The following TSC22D3 variants were observed in gnomAD, a reference collection of about 807,000 sequenced individuals.
The protein encoded by TSC22D3 is TSC22 domain family member 3, also known as TSC22 domain family protein 3.
Under a neutral mutation model 11.1 loss-of-function variants are expected in TSC22D3, and 4 were observed. That is an observed-to-expected ratio of 0.36 (90% CI 0.18 to 0.83). The LOEUF is 0.83. TSC22D3 is among the 40% of genes least tolerant of loss of function. The pLI is 0.48. For missense variants in TSC22D3, 118 were observed against 159.4 expected (o/e 0.74, Z 1.40); for synonymous variants, 77 against 70.3 (o/e 1.10, Z -0.48).
Position 107,775,263 on chromosome X carries a change from C to T in TSC22D3, c.157G>A (p.Glu53Lys). The change falls in exon 1 of 3, where the codon GAA (glutamate) becomes AAA (lysine). Residue 53 changes from glutamate to lysine, a missense_variant. Coordinates refer to ENST00000372383, the MANE Select transcript of TSC22D3 (RefSeq NM_198057.3). ...TTGAGGTTCTCAAAGACCAGCTTTT[C>T]CTGCAGCTGCCGAAAGTTGCTCACT... ...PTVSNFRQLQ[E>K]KLVFENLNTD... 1 of 1,212,150 alleles carries T rather than the reference C, an allele frequency of 8.2e-7. No homozygotes were observed. Among genetic ancestry groups the T allele is most frequent in the Non-Finnish European group, 1.1e-6 (1 of 895,601 alleles).
intron 1 of TSC22D3, among the ~76,000 whole-genome samples, chrX:107,754,062 C>T (rs763468211): frequency 3.6e-4 from 40 of 110,664 alleles, no homozygotes; most frequent in Non-Finnish European, 7.2e-4. Context: ...ATTACAGAAG[C>T]GTGCCACCAC....
intron 1 of TSC22D3, among the ~76,000 whole-genome samples, chrX:107,730,703 A>G (rs955228074): frequency 4.5e-5 from 5 of 112,161 alleles, no homozygotes; most frequent in Non-Finnish European, 9.4e-5. Context: ...ATAAGCAAAA[A>G]CCAAATGTAA....
chrX:107,766,457 C>CG (rs1280959877), intron 1 of TSC22D3, among the ~76,000 whole-genome samples: 2 of 95,908 alleles, frequency 2.1e-5, no homozygotes, highest in African/African-American at 7.7e-5. Flanking sequence ...TTTCCGCCCC[C>CG]CCCCCAACAA....
intron 1 of TSC22D3, among the ~76,000 whole-genome samples, chrX:107,743,170 G>T (rs1445365153): frequency 1.8e-5 from 2 of 112,773 alleles, no homozygotes; most frequent in African/African-American, 6.4e-5. Context: ...AGCCAGTTCC[G>T]AAGAAGAAAA....
rs778094975 is a variant in TSC22D3, at chrX:107,745,303, GT to G, written c.321-29354del. On this transcript the variant is annotated intron_variant, in intron 1 of 2. Coordinates refer to ENST00000372383, the MANE Select transcript of TSC22D3 (RefSeq NM_198057.3). ...AAGAGGATTTTAGGCTGATTTCTAG[GT>G]TCCTTTCCAGAAGTGGCAGTCTCCC... Among the ~76,000 whole-genome samples, 10 of 112,189 alleles carry G rather than the reference GT, an allele frequency of 8.9e-5. No individual in the cohort carries two copies. In the South Asian group the frequency reaches 3.0e-3, roughly 33 times the overall value.
At position 107,775,439 on chromosome X, in the gene TSC22D3, G is replaced by C. The variant is rs758478376; in HGVS notation, c.-20C>G. ...GGCCATCTTCTCAGGCTCGGAGGTCGCCTGGCCTGCGAGGTCAGGGGCGGC... is the reference window on the plus strand; with the variant it reads ...GGCCATCTTCTCAGGCTCGGAGGTCCCCTGGCCTGCGAGGTCAGGGGCGGC... On this transcript the variant is annotated 5_prime_UTR_variant, in exon 1 of 3. Coordinates refer to ENST00000372383, the MANE Select transcript of TSC22D3 (RefSeq NM_198057.3). 4 of 1,145,793 alleles carry C rather than the reference G, an allele frequency of 3.5e-6. No homozygotes were observed. Among genetic ancestry groups the C allele is most frequent in the South Asian group, 2.0e-5 (1 of 49,636 alleles). 94.4% of individuals were successfully genotyped at this position (1,145,793 alleles called of 1,213,427 possible).
intron 1 of TSC22D3, among the ~76,000 whole-genome samples, chrX:107,729,750 G>T: frequency 8.9e-6 from 1 of 112,571 alleles, no homozygotes. Flanking sequence ...CCTGAAACCA[G>T]TTAGCCTGGG....
intron 1 of TSC22D3, among the ~76,000 whole-genome samples, chrX:107,743,904 T>C (rs767594916): frequency 1.8e-5 from 2 of 111,787 alleles, no homozygotes; most frequent in African/African-American, 6.5e-5. Context: ...CCTTGCTCCT[T>C]CCCAGTCCAG....
At chrX:107,721,277 G>T (rs1031010737) in intron 1 of TSC22D3, among the ~76,000 whole-genome samples, 1 of 112,231 alleles carries the variant, frequency 8.9e-6, no homozygotes, top group African/African-American at 3.2e-5. Context: ...TGAGCTGAAA[G>T]AAGTGCCTCA....
chrX:107,767,560 A>G (rs945390354), intron 1 of TSC22D3, among the ~76,000 whole-genome samples: 1 of 112,511 alleles, frequency 8.9e-6, no homozygotes, highest in African/African-American at 3.2e-5. Flanking sequence ...CCTGCCTGGA[A>G]TAGAATCGAG....
At chrX:107,766,457 C>A (rs1055425131) in intron 1 of TSC22D3, among the ~76,000 whole-genome samples, 2 of 95,906 alleles carry the variant, frequency 2.1e-5, no homozygotes, top group Non-Finnish European at 4.2e-5. Flanking sequence ...TTTCCGCCCC[C>A]CCCCCAACAA....
chrX:107,715,848 A>G, intron 2 of TSC22D3, 51 bp downstream of exon 2: 1 of 1,192,967 alleles, frequency 8.4e-7, no homozygotes. Context: ...CCAGAGTTAC[A>G]TAAGCAGCAG....
intron 1 of TSC22D3, among the ~76,000 whole-genome samples, chrX:107,755,702 T>C (rs1344783435): frequency 1.8e-5 from 2 of 112,680 alleles, no homozygotes; most frequent in African/African-American, 6.4e-5. Context: ...AGCAAGTCCA[T>C]GTGAAATTGC....
At chrX:107,718,535 TGCCTGGCACTAACACCCTGGCCAAG>T (rs1270444921) in intron 1 of TSC22D3, among the ~76,000 whole-genome samples, 1 of 113,170 alleles carries the variant, frequency 8.8e-6, no homozygotes, top group African/African-American at 3.2e-5. Flanking sequence ...CTTAACCAGG[TGCCTGGCACTAACACCCTGGCCAAG>T]GCCCCAGCCA....
chrX:107,737,520 A>T (rs967476198), intron 1 of TSC22D3, among the ~76,000 whole-genome samples: 2 of 110,998 alleles, frequency 1.8e-5, no homozygotes, highest in African/African-American at 6.6e-5. Flanking sequence ...ACTACACACC[A>T]TGGGTATATT....
At chrX:107,736,020 ATAC>A (rs1928119215) in intron 1 of TSC22D3, among the ~76,000 whole-genome samples, 1 of 111,746 alleles carries the variant, frequency 8.9e-6, no homozygotes, top group African/African-American at 3.3e-5. Context: ...GACAGAGCCA[ATAC>A]TCTAACCAGG....
In TSC22D3 at chrX:107,714,496, G is replaced by A. The variant is rs748514130; in HGVS notation, c.*23C>T. ...TAGGTAAAACAAGTTTAGTGGCTCTGCCCACCCTGAGGACAGAGCCACTTA... is the reference window on the plus strand; with the variant it reads ...TAGGTAAAACAAGTTTAGTGGCTCTACCCACCCTGAGGACAGAGCCACTTA... On this transcript the variant is annotated 3_prime_UTR_variant, in exon 3 of 3. Transcript: ENST00000372383. 7 of 1,186,389 alleles carry A rather than the reference G, an allele frequency of 5.9e-6. No homozygotes were observed. The African/African-American group carries it at 8.9e-5, about 15-fold the overall frequency.
At chrX:107,722,199 A>G (rs188672067) in intron 1 of TSC22D3, 1 of 218,257 alleles carries the variant, frequency 4.6e-6, no homozygotes, top group East Asian at 7.5e-5. Flanking sequence ...GAAGGCGATG[A>G]TGAGTGGGAG....
chrX:107,757,855 C>T, intron 1 of TSC22D3, among the ~76,000 whole-genome samples: 1 of 111,037 alleles, frequency 9.0e-6, no homozygotes, highest in Non-Finnish European at 1.9e-5. Flanking sequence ...GCCTGGGCAA[C>T]ATGGTGAAAC....
Sources: gnomAD v4.1 joint callset for allele counts (sites outside exome capture counted in the v4.1 genomes callset) on GRCh38, gnomAD v4.1.1 for gene constraint, MANE v1.5 for transcripts, NCBI Gene and HGNC (gene_info 2026-07-23, HGNC 2026-07-21) for gene names.